INPP4B: variants seen among roughly 807,000 people sequenced by gnomAD.
INPP4B encodes inositol polyphosphate-4-phosphatase type II B.
In INPP4B, 55 loss-of-function variants were observed where a neutral mutation model predicts 122.5. That is an observed-to-expected ratio of 0.45 (90% confidence interval 0.36 to 0.56). INPP4B has a LOEUF of 0.56. Among genes scored for constraint, INPP4B ranks in the 20% least tolerant of loss-of-function variants. The pLI is 0.00. For missense variants in INPP4B, 1,000 were observed against 1,097.7 expected, an observed-to-expected ratio of 0.91 and a Z score of 1.26; for synonymous variants, 403 against 388.7, an observed-to-expected ratio of 1.04 and a Z score of -0.43.
chr4:142,045,223 C>T (rs1013039516), intron 25 of INPP4B, among the ~76,000 whole-genome samples: 4 of 152,208 alleles, frequency 2.6e-5, no homozygotes, highest in African/African-American at 9.6e-5. Flanking sequence ...CCCTTCTTCA[C>T]ATGGTAATTT....
chr4:142,748,925 T>C (rs1769203882), intron 1 of INPP4B, among the ~76,000 whole-genome samples: 1 of 151,780 alleles, frequency 6.6e-6, no homozygotes, highest in Non-Finnish European at 1.5e-5. Flanking sequence ...AGGTCACTTG[T>C]GGCCAGAAGT....
At chr4:142,478,673 G>T (rs971007356) in intron 2 of INPP4B, among the ~76,000 whole-genome samples, 9 of 152,234 alleles carry the variant, frequency 5.9e-5, no homozygotes, top group African/African-American at 2.2e-4. Context: ...TTGATGTGCT[G>T]CTGGATTCAA....
At chr4:142,543,970 A>G (rs927149966) in intron 2 of INPP4B, among the ~76,000 whole-genome samples, 2 of 152,112 alleles carry the variant, frequency 1.3e-5, no homozygotes, top group African/African-American at 4.8e-5. Context: ...CCTTCATCCT[A>G]CATGTAGGTT....
intron 3 of INPP4B, among the ~76,000 whole-genome samples, chr4:142,432,341 G>T (rs1809506857): frequency 6.6e-6 from 1 of 151,924 alleles, no homozygotes. Context: ...GCAGTTCTTG[G>T]TAAAGTGGCT....
At chr4:142,414,376 C>T (rs1375055687) in intron 5 of INPP4B, among the ~76,000 whole-genome samples, 2 of 152,016 alleles carry the variant, frequency 1.3e-5, no homozygotes, top group Non-Finnish European at 2.9e-5. Flanking sequence ...AAACTTCACA[C>T]CCAGTACCAA....
chr4:142,792,140 C>T (rs1001738144), intron 1 of INPP4B, among the ~76,000 whole-genome samples: 3 of 151,954 alleles, frequency 2.0e-5, no homozygotes, highest in African/African-American at 7.3e-5. Flanking sequence ...AGTCCCACAG[C>T]TACTTGGAAG....
At chr4:142,251,366 G>A (rs1441085205) in intron 11 of INPP4B, among the ~76,000 whole-genome samples, 1 of 152,070 alleles carries the variant, frequency 6.6e-6, no homozygotes, top group Non-Finnish European at 1.5e-5. Context: ...AACATTTAAT[G>A]AATGACATAA....
chr4:142,798,508 T>C lies in INPP4B; in HGVS notation c.-254+47701A>G, dbSNP rs184964728. Among the ~76,000 whole-genome samples the C allele has an allele frequency of 5.9e-5, 9 of 151,958 alleles. No individual in the cohort carries two copies. The East Asian group carries it at 1.7e-3, about 29-fold the overall frequency. ...ATGTTGGAAGATGGAGTTAAGTAAA[T>C]ATGTAGGAAAGAGGAGAGGTGCTAA... On this transcript the variant is annotated intron_variant, in intron 1 of 25. Transcript: ENST00000262992.
intron 2 of INPP4B, among the ~76,000 whole-genome samples, chr4:142,667,825 A>C (rs1756382023): frequency 6.6e-6 from 1 of 152,198 alleles, no homozygotes; most frequent in African/African-American, 2.4e-5. Context: ...ATCTGAAACT[A>C]AGTGCTATGA....
intron 2 of INPP4B, among the ~76,000 whole-genome samples, chr4:142,475,601 A>T (rs1372633094): frequency 6.6e-6 from 1 of 152,188 alleles, no homozygotes; most frequent in Non-Finnish European, 1.5e-5. Flanking sequence ...GAAATATAAT[A>T]AAATGGTACA....
intron 2 of INPP4B, among the ~76,000 whole-genome samples, chr4:142,615,177 T>C (rs1055217597): frequency 2.6e-5 from 4 of 152,168 alleles, no homozygotes; most frequent in African/African-American, 4.8e-5. Flanking sequence ...TGACTGACTA[T>C]GTACCGAGGA....
At chr4:142,754,280 C>T (rs181217040) in intron 1 of INPP4B, among the ~76,000 whole-genome samples, 24 of 152,108 alleles carry the variant, frequency 1.6e-4, no homozygotes, top group African/African-American at 5.5e-4. Flanking sequence ...ATGCTGTTCT[C>T]CAGGACATCT....
intron 21 of INPP4B, among the ~76,000 whole-genome samples, chr4:142,116,793 G>A (rs1409119569): frequency 6.6e-6 from 1 of 151,902 alleles, no homozygotes; most frequent in African/African-American, 2.4e-5. Flanking sequence ...CTAGCAGAAG[G>A]CAAGAAATAA....
intron 11 of INPP4B, among the ~76,000 whole-genome samples, chr4:142,252,063 C>A (rs558362894): frequency 8.1e-4 from 124 of 152,274 alleles, no homozygotes; most frequent in African/African-American, 3.0e-3. Flanking sequence ...CATAGGTGAT[C>A]TTGAAGACTT....
chr4:142,723,999 A>T (rs1307336386), intron 2 of INPP4B, among the ~76,000 whole-genome samples: 1 of 152,092 alleles, frequency 6.6e-6, no homozygotes, highest in Non-Finnish European at 1.5e-5. Context: ...CCACAGCAAC[A>T]TACATATCTT....
intron 1 of INPP4B, among the ~76,000 whole-genome samples, chr4:142,751,268 T>C (rs1334214381): frequency 3.6e-4 from 45 of 124,150 alleles, no homozygotes; most frequent in Admixed American, 1.9e-3. Flanking sequence ...GCCAAAGTAA[T>C]GGAGTTAACT....
At chr4:142,088,054 T>C (rs1315237899) in intron 23 of INPP4B, among the ~76,000 whole-genome samples, 2 of 152,200 alleles carry the variant, frequency 1.3e-5, no homozygotes, top group Admixed American at 6.5e-5. Context: ...ACTATATAAC[T>C]ACAGATGATT....
chr4:142,641,775 AT>A (rs1750534254), intron 2 of INPP4B, among the ~76,000 whole-genome samples: 1 of 152,154 alleles, frequency 6.6e-6, no homozygotes, highest in African/African-American at 2.4e-5. Flanking sequence ...TCCTTTGGGT[AT>A]ATACCCAGTA....
In INPP4B at chr4:142,188,224, A is replaced by T. The variant is rs544229778; in HGVS notation, c.1181+4863T>A. Reference sequence around the variant, plus strand: ...ATGGCTTGGTCGGGCACATTGGCTCATGCCTGTAATCCCAACACTTTGGGA... The same window carrying T: ...ATGGCTTGGTCGGGCACATTGGCTCTTGCCTGTAATCCCAACACTTTGGGA... On this transcript the variant is annotated intron_variant, in intron 15 of 25. Transcript: ENST00000262992. Among the ~76,000 whole-genome samples, 6 of 152,098 alleles carry T rather than the reference A, an allele frequency of 3.9e-5. No homozygotes were observed. In the South Asian group the frequency reaches 1.2e-3, roughly 32 times the overall value.
Sources: gnomAD v4.1 joint callset for allele counts (sites outside exome capture counted in the v4.1 genomes callset) on GRCh38, gnomAD v4.1.1 for gene constraint, MANE v1.5 for transcripts, NCBI Gene and HGNC (gene_info 2026-07-23, HGNC 2026-07-21) for gene names.